Variants in PROS1 observed in about 807,000 individuals in gnomAD.
The protein encoded by PROS1 is protein S, also known as vitamin K-dependent protein S.
In PROS1, 29 loss-of-function variants were observed where a neutral mutation model predicts 75.9. The ratio of observed to expected loss-of-function variants is 0.38; its 90% CI spans 0.28 to 0.52. The LOEUF (loss-of-function observed/expected upper bound fraction) is 0.52, where lower values mean the gene tolerates loss of function less well. Ranked by LOEUF, PROS1 falls within the 20% of genes least tolerant of loss-of-function variation. The pLI is 0.83. For synonymous variants in PROS1, 245 were observed against 280.6 expected, an observed-to-expected ratio of 0.87 and a Z score of 1.27; for missense variants, 680 against 810.3, an observed-to-expected ratio of 0.84 and a Z score of 1.95.
chr3:93,953,132 C>A (rs1455541275), intron 1 of PROS1, among the ~76,000 whole-genome samples: 2 of 152,180 alleles, frequency 1.3e-5, no homozygotes, highest in South Asian at 2.1e-4. Flanking sequence ...GGATTCACAG[C>A]TGAATTCTAC....
At chr3:93,887,757 T>A (rs1708371300) in intron 10 of PROS1, among the ~76,000 whole-genome samples, 1 of 152,210 alleles carries the variant, frequency 6.6e-6, no homozygotes. Context: ...TCTCCTTTGC[T>A]GGATCCTCCC....
At chr3:93,930,058 G>T (rs1302243694) in intron 1 of PROS1, among the ~76,000 whole-genome samples, 4 of 152,180 alleles carry the variant, frequency 2.6e-5, no homozygotes, top group Non-Finnish European at 5.9e-5. Context: ...TTTCAAGAGT[G>T]AAGTAATATT....
intron 1 of PROS1, among the ~76,000 whole-genome samples, chr3:93,961,045 G>T (rs1158653369): frequency 6.6e-6 from 1 of 151,868 alleles, no homozygotes; most frequent in South Asian, 2.1e-4. Flanking sequence ...ACCCTGCAAA[G>T]CTTTATGATA....
intron 1 of PROS1, among the ~76,000 whole-genome samples, chr3:93,969,548 T>C (rs1275648696): frequency 1.3e-5 from 2 of 152,186 alleles, no homozygotes; most frequent in Admixed American, 6.5e-5. Flanking sequence ...CAGGGCCTCC[T>C]AGGAATTTGA....
intron 13 of PROS1, among the ~76,000 whole-genome samples, chr3:93,877,524 A>G (rs1421823319): frequency 6.6e-6 from 1 of 152,246 alleles, no homozygotes; most frequent in Non-Finnish European, 1.5e-5. Context: ...TTCCAAGTTT[A>G]CATATGAAAA....
Position 93,910,787 on chromosome 3 carries a change from G to A in PROS1, c.260-82C>T, listed in dbSNP as rs1454032574. ...TTCATGGTAGGAACTGTCCCAAGAG[G>A]TAGGACATTTATGCTCCTGTAGATT... On this transcript the variant is annotated intron_variant, in intron 3 of 14. Transcript: ENST00000394236. The A allele has an allele frequency of 1.9e-5, 22 of 1,143,236 alleles. No homozygotes were observed. The East Asian group carries it at 5.3e-4, about 28-fold the overall frequency. The allele number at this position is 1,143,236 out of a possible 1,614,324, so 70.8% of individuals were successfully genotyped here. A position where few individuals can be genotyped will look rare whatever the true frequency, so the allele number is the denominator to read the frequency against.
rs755846891 is a variant in PROS1, at chr3:93,877,206, A to G, written c.1645-15T>C. ...AACAGAATATCCTGAAGAGCAGAGCAAAGATTCAATATAAGCAAGGAGTAA... is the reference window on the plus strand; with the variant it reads ...AACAGAATATCCTGAAGAGCAGAGCGAAGATTCAATATAAGCAAGGAGTAA... On this transcript the variant is annotated splice_polypyrimidine_tract_variant and intron_variant, in intron 13 of 14. Coordinates refer to ENST00000394236, the MANE Select transcript of PROS1 (RefSeq NM_000313.4). The G allele has an allele frequency of 6.4e-7, 1 of 1,564,820 alleles. No homozygotes were observed. Among genetic ancestry groups the G allele is most frequent in the South Asian group, 1.1e-5 (1 of 89,850 alleles).
chr3:93,874,045 C>A lies in PROS1; in HGVS notation c.*200G>T, dbSNP rs1708146730. Reference sequence around the variant, plus strand: ...GTTATTTTTCACTATTCTTAGATAGCAAGAGAAGTAAGAATTTCTTTACTG... The same window carrying A: ...GTTATTTTTCACTATTCTTAGATAGAAAGAGAAGTAAGAATTTCTTTACTG... On this transcript the variant is annotated 3_prime_UTR_variant, in exon 15 of 15. Transcript: ENST00000394236. The A allele has an allele frequency of 5.1e-6, 3 of 586,238 alleles. No individual in the cohort carries two copies. The highest frequency in any genetic ancestry group is 2.8e-5 in the South Asian group (1 of 35,440). The allele number at this position is 586,238 out of a possible 1,614,324, so 36.3% of individuals were successfully genotyped here.
At chr3:93,948,458 A>G (rs1709440363) in intron 1 of PROS1, among the ~76,000 whole-genome samples, 1 of 152,130 alleles carries the variant, frequency 6.6e-6, no homozygotes, top group Admixed American at 6.5e-5. Flanking sequence ...ATTCCTGGAT[A>G]TCCTTGTTAA....
chr3:93,944,583 A>C (rs1013173911), intron 1 of PROS1, among the ~76,000 whole-genome samples: 1 of 152,242 alleles, frequency 6.6e-6, no homozygotes, highest in Non-Finnish European at 1.5e-5. Context: ...TGAAGGCAGA[A>C]ATAAAGATGT....
chr3:93,927,213 T>C (rs202165588), intron 2 of PROS1, 37 bp downstream of exon 2: 9 of 1,611,044 alleles, frequency 5.6e-6, no homozygotes, highest in Non-Finnish European at 6.8e-6. Flanking sequence ...GTTGTATGTC[T>C]AGATGTGTGA....
chr3:93,925,682 G>A (rs1463846847), intron 2 of PROS1, among the ~76,000 whole-genome samples: 1 of 151,846 alleles, frequency 6.6e-6, no homozygotes, highest in Admixed American at 6.6e-5. Context: ...AAATTAGCCA[G>A]GTGTGGGGCT....
chr3:93,908,784 C>T (rs1708712802), intron 4 of PROS1, among the ~76,000 whole-genome samples: 1 of 152,174 alleles, frequency 6.6e-6, no homozygotes, highest in Admixed American at 6.5e-5. Flanking sequence ...AAAATCAAAC[C>T]TCAAAAGATT....
chr3:93,896,888 T>G (rs1315189622), intron 8 of PROS1, among the ~76,000 whole-genome samples, 197 bp from the exon 9 acceptor site: 1 of 152,170 alleles, frequency 6.6e-6, no homozygotes, highest in Non-Finnish European at 1.5e-5. Context: ...CAGTATAACC[T>G]CCAAGAATAC....
Position 93,906,023 on chromosome 3 carries a change from A to C in PROS1, c.467T>G (p.Phe156Cys). ...KPGWQGEKCE[F>C]DINECKDPSN... The stretch of plus-strand genomic sequence containing the variant: ...GGGGCGGGGGTTATTATACGTACCA[A>C]ATTCACACTTTTCTCCTTGCCAACC... Residue 156 changes from phenylalanine to cysteine, a missense_variant and splice_region_variant, in exon 5 of 15, where the codon TTT becomes TGT. Coordinates refer to ENST00000394236, the MANE Select transcript of PROS1 (RefSeq NM_000313.4). 1 of 1,614,142 alleles carries C rather than the reference A, an allele frequency of 6.2e-7. No individual in the cohort carries two copies. Among genetic ancestry groups the C allele is most frequent in the South Asian group, 1.1e-5 (1 of 91,082 alleles).
rs536101790 is a variant in PROS1 at position 93,960,062 on chromosome 3, C to A, written c.76+13612G>T. Among the ~76,000 whole-genome samples the A allele has an allele frequency of 3.5e-4, 53 of 152,162 alleles. No individual in the cohort carries two copies. The South Asian group carries it at 0.011, about 31-fold the overall frequency. On this transcript the variant is annotated intron_variant, in intron 1 of 14. Coordinates refer to ENST00000394236, the MANE Select transcript of PROS1 (RefSeq NM_000313.4). ...TTTATACTTCTCTTAGAGGAAAATA[C>A]ATTAATTTCAACCTTAAGAGAAAAT...
At chr3:93,918,060 G>C (rs985268895) in intron 3 of PROS1, among the ~76,000 whole-genome samples, 1 of 152,162 alleles carries the variant, frequency 6.6e-6, no homozygotes, top group African/African-American at 2.4e-5. Flanking sequence ...AGTCTGGTGG[G>C]GCCTTGGAGA....
intron 1 of PROS1, among the ~76,000 whole-genome samples, chr3:93,945,076 A>T (rs1245096959): frequency 1.3e-5 from 2 of 152,212 alleles, no homozygotes; most frequent in African/African-American, 4.8e-5. Context: ...GAAGAAATGG[A>T]TAAATTCTGG....
chr3:93,973,790 C>A lies in PROS1; in HGVS notation c.-41G>T. ...GGCGCCGGCAGGGACGGTGGCGCGT[C>A]GCGGCGGGGACCGGAGCGCTAGGCG... On this transcript the variant is annotated 5_prime_UTR_variant, in exon 1 of 15. Coordinates refer to ENST00000394236, the MANE Select transcript of PROS1 (RefSeq NM_000313.4). 3.2e-6 allele frequency: 5 copies of A among 1,565,664 alleles called. No homozygotes were observed. The highest frequency in any genetic ancestry group is 1.1e-5 in the South Asian group (1 of 88,050).
Sources: gnomAD v4.1 joint callset for allele counts (sites outside exome capture counted in the v4.1 genomes callset) on GRCh38, gnomAD v4.1.1 for gene constraint, MANE v1.5 for transcripts, NCBI Gene and HGNC (gene_info 2026-07-23, HGNC 2026-07-21) for gene names.